The following AATK variants were observed in gnomAD, a reference collection of about 807,000 sequenced individuals.
AATK encodes the protein lemur tail kinase 1.
Under a neutral mutation model 114.3 loss-of-function variants are expected in AATK, and 91 were observed. That is an observed-to-expected ratio of 0.80 (90% confidence interval 0.67 to 0.95). The LOEUF is 0.95. AATK is among the 40% of genes least tolerant of loss of function. AATK has a pLI of 0.00. For synonymous variants in AATK, 1,075 were observed against 916.5 expected, an observed-to-expected ratio of 1.17 and a Z score of -3.12; for missense variants, 2,176 against 1,965.2, an observed-to-expected ratio of 1.11 and a Z score of -2.03.
At chr17:81,124,500 G>A (rs1234078752) in intron 9 of AATK, among the ~76,000 whole-genome samples, 1 of 152,214 alleles carries the variant, frequency 6.6e-6, no homozygotes, top group African/African-American at 2.4e-5. Flanking sequence ...CGTTGGCCCT[G>A]TACGTATGCC....
chr17:81,148,064 C>CAAAAAAAAAAAA (rs35731140), intron 1 of AATK, among the ~76,000 whole-genome samples: 10 of 101,796 alleles, frequency 9.8e-5, no homozygotes, highest in African/African-American at 1.2e-4. Flanking sequence ...ACAACTTTGT[C>CAAAAAAAAAAAA]AAAAAAAAAA....
intron 1 of AATK, among the ~76,000 whole-genome samples, chr17:81,142,672 G>T (rs889201241): frequency 6.6e-6 from 1 of 152,210 alleles, no homozygotes; most frequent in African/African-American, 2.4e-5. Flanking sequence ...GGTGCTTGGG[G>T]TGGAGACACC....
intron 1 of AATK, among the ~76,000 whole-genome samples, chr17:81,139,296 A>G (rs1598946356): frequency 6.6e-6 from 1 of 152,108 alleles, no homozygotes; most frequent in South Asian, 2.1e-4. Flanking sequence ...TCTCCTTGGG[A>G]CCAGCCCCCA....
chr17:81,149,302 C>T (rs1206334972), intron 1 of AATK, among the ~76,000 whole-genome samples: 1 of 152,114 alleles, frequency 6.6e-6, no homozygotes, highest in East Asian at 1.9e-4. Flanking sequence ...ACCGCCCACA[C>T]CCAACACCTC....
At position 81,122,893 on chromosome 17, in the gene AATK, TGG is replaced by T. The variant is rs1290787642; in HGVS notation, c.1113-72_1113-71del. 16 of 1,333,982 alleles carry T rather than the reference TGG, an allele frequency of 1.2e-5. No individual in the cohort carries two copies. In the Admixed American group the frequency reaches 4.8e-4, roughly 40 times the overall value. The allele number at this position is 1,333,982 out of a possible 1,614,324, so 82.6% of individuals were successfully genotyped here. On this transcript the variant is annotated intron_variant, in intron 10 of 13. Transcript: ENST00000326724. ...CAGGAACGCGTCCCTGGAGCAGGGA[TGG>T]GGGTTCCCCTAACTCCCAGTGTCTT...
At chr17:81,138,335 G>A (rs934024597) in intron 1 of AATK, among the ~76,000 whole-genome samples, 7 of 132,450 alleles carry the variant, frequency 5.3e-5, no homozygotes, top group Admixed American at 4.5e-4. Flanking sequence ...ACCCACACAT[G>A]CACACCCACA....
In AATK at chr17:81,121,119, A is replaced by C. The variant is rs1169655324; in HGVS notation, c.2817T>G (p.Tyr939Ter). The change falls in exon 11 of 14, where the codon TAT becomes TAG. Residue 939 changes from tyrosine (Y) to a stop codon, truncating the protein, a stop_gained. Coordinates refer to ENST00000326724, the MANE Select transcript of AATK (RefSeq NM_001080395.3). LOFTEE classifies it high-confidence loss of function. ...GGQPRALDSGYDTENYESPEF... is the reference protein window; with the variant it reads ...GGQPRALDSG ...CAGGGGACTCATAGTTCTCGGTGTC[A>C]TAGCCACTGTCCAGCGCTCGCGGCT... The C allele has an allele frequency of 6.2e-7, 1 of 1,605,394 alleles. No homozygotes were observed. Among genetic ancestry groups the C allele is most frequent in the African/African-American group, 1.3e-5 (1 of 74,798 alleles).
In AATK at chr17:81,120,571, C is replaced by A; in HGVS notation, c.3365G>T (p.Gly1122Val). ...GNSSEFQGPPGLLSGPAPQKR... is the reference protein window; with the variant it reads ...GNSSEFQGPPVLLSGPAPQKR... Reference sequence around the variant, plus strand: ...TTGTGGGGCCGGCCCTGACAACAGTCCTGGGGGCCCCTGGAACTCAGAGCT... The same window carrying A: ...TTGTGGGGCCGGCCCTGACAACAGTACTGGGGGCCCCTGGAACTCAGAGCT... The change falls in exon 11 of 14, where the codon GGA (glycine) becomes GTA (valine). Residue 1122 changes from glycine to valine, a missense_variant. Around this residue, in one of 4 missense-constraint regions of AATK, gnomAD observed 1,701 missense variants for 1,394.7 expected, o/e 1.22. Coordinates refer to ENST00000326724, the MANE Select transcript of AATK (RefSeq NM_001080395.3). 6.5e-7 allele frequency: 1 copy of A among 1,527,566 alleles called. No individual in the cohort carries two copies. Among genetic ancestry groups the A allele is most frequent in the South Asian group, 1.3e-5 (1 of 79,354 alleles). The allele number at this position is 1,527,566 out of a possible 1,614,324, so 94.6% of individuals were successfully genotyped here. A position where few individuals can be genotyped will look rare whatever the true frequency, so the allele number is the denominator to read the frequency against.
chr17:81,119,694 C>G, intron 12 of AATK, 114 bp from the exon 13 acceptor site: 2 of 795,134 alleles, frequency 2.5e-6, no homozygotes, highest in Non-Finnish European at 3.4e-6. Flanking sequence ...GGCCCAGGCC[C>G]CGCCTCCCAT....
At chr17:81,124,056 G>A (rs2060748043) in intron 9 of AATK, among the ~76,000 whole-genome samples, 1 of 152,166 alleles carries the variant, frequency 6.6e-6, no homozygotes, top group Non-Finnish European at 1.5e-5. Flanking sequence ...GTCCATGATG[G>A]GGCAGTCAAG....
At chr17:81,138,466 C>CT (rs2061060494) in intron 1 of AATK, among the ~76,000 whole-genome samples, 1 of 148,638 alleles carries the variant, frequency 6.7e-6, no homozygotes, top group Non-Finnish European at 1.5e-5. Context: ...CACACACACC[C>CT]ACCCACATGC....
At chr17:81,135,595 G>A (rs2060997748) in intron 1 of AATK, among the ~76,000 whole-genome samples, 1 of 152,208 alleles carries the variant, frequency 6.6e-6, no homozygotes, top group Admixed American at 6.5e-5. Context: ...CACTGGACGA[G>A]CCAAGAAACA....
intron 1 of AATK, among the ~76,000 whole-genome samples, chr17:81,137,219 T>C (rs923970561): frequency 4.0e-5 from 6 of 150,350 alleles, no homozygotes; most frequent in African/African-American, 1.5e-4. Flanking sequence ...GATTGCACCA[T>C]TGCACTCCAG....
chr17:81,140,946 A>G (rs2061127172), intron 1 of AATK, among the ~76,000 whole-genome samples: 3 of 70,342 alleles, frequency 4.3e-5, no homozygotes, highest in African/African-American at 1.7e-4. Context: ...TGGGGCCGTG[A>G]GCCGTGGGGA....
At position 81,146,185 on chromosome 17, in the gene AATK, T is replaced by C. The variant is rs961276290; in HGVS notation, c.56-11684A>G. 7.1e-5 allele frequency among the ~76,000 whole-genome samples: 8 copies of C among 113,096 alleles called. No individual in the cohort carries two copies. In the South Asian group the frequency reaches 2.6e-3, roughly 36 times the overall value. 74.2% of individuals were successfully genotyped at this position (113,096 alleles called of 152,430 possible). On this transcript the variant is annotated intron_variant, in intron 1 of 13. Transcript: ENST00000326724. ...GCCTAGGCAAGAGAGCGAGACTCCA[T>C]ATTAAAAAAAAAAAAAAAAGAAAAA...
chr17:81,124,310 G>A (rs2060759494), intron 9 of AATK, among the ~76,000 whole-genome samples: 1 of 152,188 alleles, frequency 6.6e-6, no homozygotes, highest in South Asian at 2.1e-4. Flanking sequence ...ACTCAGGATA[G>A]GGGCTTCCAG....
chr17:81,153,183 C>T (rs1302248320), intron 1 of AATK, among the ~76,000 whole-genome samples: 2 of 152,126 alleles, frequency 1.3e-5, no homozygotes, highest in Non-Finnish European at 2.9e-5. Context: ...CAATTCATGC[C>T]CCTGTTGGAT....
At chr17:81,119,690 G>C in intron 12 of AATK, 110 bp from the exon 13 acceptor site, 1 of 800,904 alleles carries the variant, frequency 1.2e-6, no homozygotes, top group Non-Finnish European at 1.7e-6. Flanking sequence ...CACGGGCCCA[G>C]GCCCCGCCTC....
chr17:81,157,445 C>A (rs1473055295), intron 1 of AATK, among the ~76,000 whole-genome samples: 1 of 152,214 alleles, frequency 6.6e-6, no homozygotes, highest in Non-Finnish European at 1.5e-5. Context: ...CCGGCCCTCC[C>A]CCAGTGCTAG....
Sources: allele counts gnomAD v4.1 joint callset (sites outside exome capture counted in the v4.1 genomes callset), GRCh38; gene constraint gnomAD v4.1.1; regional missense constraint gnomAD v4.1.1; transcripts MANE v1.5; gene names NCBI Gene and HGNC (gene_info 2026-07-23, HGNC 2026-07-21).